The following KCTD1 variants were observed in gnomAD, a reference collection of about 807,000 sequenced individuals.
KCTD1 encodes the protein potassium channel tetramerization domain containing 1, also known as BTB/POZ domain-containing protein KCTD1.
In KCTD1, 24 loss-of-function variants were observed where a neutral mutation model predicts 66.0. The ratio of observed to expected loss-of-function variants is 0.36; its 90% CI spans 0.26 to 0.51. KCTD1 has a LOEUF of 0.51. Among genes scored for constraint, KCTD1 ranks in the 20% least tolerant of loss-of-function variants. The pLI is 0.95. For synonymous variants in KCTD1, 511 were observed against 517.2 expected, an observed-to-expected ratio of 0.99 and a Z score of 0.16; for missense variants, 943 against 1,205.2, an observed-to-expected ratio of 0.78 and a Z score of 3.22.
chr18:26,544,408 C>A (rs1985116112), intron 1 of KCTD1: 1 of 152,198 alleles, frequency 6.6e-6, no homozygotes, highest in Non-Finnish European at 1.5e-5. Flanking sequence ...GGGAAACTTG[C>A]AACATTAGTA....
chr18:26,459,580 A>C (rs773970536), intron 4 of KCTD1, 40 bp downstream of exon 4: 2 of 1,522,774 alleles, frequency 1.3e-6, no homozygotes, highest in Non-Finnish European at 1.8e-6. Flanking sequence ...CAACAGTAAG[A>C]GTGGCATTTG....
chr18:26,507,698 A>G (rs192217094), intron 1 of KCTD1, among the ~76,000 whole-genome samples: 82 of 151,764 alleles, frequency 5.4e-4, no homozygotes, highest in Non-Finnish European at 1.1e-3. Flanking sequence ...TACTGACACT[A>G]TACTTTTTTT....
At chr18:26,631,714 A>T (rs1456262834), upstream of KCTD1, among the ~76,000 whole-genome samples, 3 of 152,202 alleles carry the variant, frequency 2.0e-5, no homozygotes, top group Non-Finnish European at 2.9e-5. Context: ...TAGAATAAAA[A>T]TATTCCCAAA....
chr18:26,456,985 A>G (rs1250588474), intron 4 of KCTD1: 1 of 151,868 alleles, frequency 6.6e-6, no homozygotes, highest in Non-Finnish European at 1.5e-5. Flanking sequence ...GAATGAACTG[A>G]AATGTAGTCA....
rs141699243 is a variant in KCTD1, at chr18:26,611,332, TTTTGTTTG to T, written c.-16+17807_-16+17814del. 7.5e-3 allele frequency among the ~76,000 whole-genome samples: 1,124 copies of T among 150,564 alleles called. 12 individuals are homozygous for T. Among genetic ancestry groups the T allele is most frequent in the Non-Finnish European group, 9.5e-3 (645 of 67,772 alleles). ...ATGGAATACAATTATAGTAACTGGG[TTTTGTTTG>T]TTTGTTTGTTTGTTTGTTTGTTTGT... On this transcript the variant is annotated intron_variant, in intron 1 of 4. Coordinates refer to the KCTD1 transcript ENST00000317932.
intron 1 of KCTD1, among the ~76,000 whole-genome samples, chr18:26,571,487 G>T (rs923224231): frequency 6.6e-6 from 1 of 152,150 alleles, no homozygotes; most frequent in Non-Finnish European, 1.5e-5. Flanking sequence ...AAATGGTATT[G>T]TATTTGCATA....
At position 26,588,785 on chromosome 18, in the gene KCTD1, A is replaced by G. The variant is rs75292898; in HGVS notation, c.-16+40362T>C. 3.7e-3 allele frequency among the ~76,000 whole-genome samples: 563 copies of G among 152,278 alleles called. 3 individuals are homozygous for G. The highest frequency in any genetic ancestry group is 0.013 in the African/African-American group (546 of 41,568). ...AGAGAGGTTCTGGAAGGTTCCTGAT[A>G]CCCCACTGGAGACATCATCCAATCC... On this transcript the variant is annotated intron_variant, in intron 1 of 4. Transcript: ENST00000317932.
chr18:26,585,770 G>A (rs1390548008), intron 1 of KCTD1, among the ~76,000 whole-genome samples: 1 of 152,158 alleles, frequency 6.6e-6, no homozygotes, highest in African/African-American at 2.4e-5. Context: ...GCACCCTTTG[G>A]ACAGATTTTC....
Position 26,501,254 on chromosome 18 carries a change from CA to C in KCTD1, c.1810-5del, listed in dbSNP as rs1982747278. On this transcript the variant is annotated splice_region_variant and splice_polypyrimidine_tract_variant and intron_variant, in intron 1 of 4. Transcript: ENST00000580059. ...TTGACATATTGGGCCGACTGTCCTA[CA>C]GAGAGATAAGCAAGTTTAGATACTT... is the stretch of plus-strand genomic sequence containing the variant. 6.2e-7 allele frequency: 1 copy of C among 1,611,952 alleles called. No homozygotes were observed. Among genetic ancestry groups the C allele is most frequent in the Admixed American group, 1.7e-5 (1 of 59,830 alleles).
chr18:26,512,864 C>T (rs933614105), intron 1 of KCTD1, among the ~76,000 whole-genome samples: 1 of 151,986 alleles, frequency 6.6e-6, no homozygotes, highest in African/African-American at 2.4e-5. Context: ...GCCTGTAGTC[C>T]CAGCTACTCG....
At chr18:26,549,659 G>C (rs1403406945), upstream of KCTD1, 1 of 961,836 alleles carries the variant, frequency 1.0e-6, no homozygotes, top group Non-Finnish European at 1.2e-6. Context: ...GGCGGAAAAA[G>C]CGAACTTGTG....
At chr18:26,500,399 G>T (rs901929103) in intron 2 of KCTD1, among the ~76,000 whole-genome samples, 1 of 151,972 alleles carries the variant, frequency 6.6e-6, no homozygotes, top group Non-Finnish European at 1.5e-5. Context: ...CAGCCTGGGC[G>T]ACAGAACAAG....
intron 1 of KCTD1, among the ~76,000 whole-genome samples, chr18:26,527,501 G>T (rs146298409): frequency 1.4e-4 from 20 of 146,772 alleles, no homozygotes; most frequent in Admixed American, 6.8e-5. Context: ...AAGGGGGGGG[G>T]GCGTGGGAGG....
intron 1 of KCTD1, among the ~76,000 whole-genome samples, chr18:26,579,233 T>A (rs1986297169): frequency 6.6e-6 from 1 of 151,316 alleles, no homozygotes; most frequent in African/African-American, 2.4e-5. Flanking sequence ...GAAAATAAGT[T>A]AATTTTATAC....
chr18:26,488,186 A>ATT (rs67518012), intron 2 of KCTD1, among the ~76,000 whole-genome samples: 1 of 147,982 alleles, frequency 6.8e-6, no homozygotes, highest in African/African-American at 2.5e-5. Flanking sequence ...ATGGAACTTC[A>ATT]TTTTTTTTTT....
At chr18:26,598,878 T>A (rs1986828187) in intron 1 of KCTD1, among the ~76,000 whole-genome samples, 1 of 152,214 alleles carries the variant, frequency 6.6e-6, no homozygotes, top group Non-Finnish European at 1.5e-5. Context: ...GGGTTCTTTA[T>A]ATATTCGCAA....
upstream of KCTD1, among the ~76,000 whole-genome samples, chr18:26,644,755 TA>T (rs1317102079): frequency 1.6e-3 from 209 of 134,700 alleles, no homozygotes; most frequent in East Asian, 6.6e-3. Flanking sequence ...AGACTCTGTC[TA>T]AAAAAAAAAA....
At chr18:26,499,939 T>C (rs951126193) in intron 2 of KCTD1, among the ~76,000 whole-genome samples, 5 of 151,854 alleles carry the variant, frequency 3.3e-5, no homozygotes, top group African/African-American at 4.8e-5. Flanking sequence ...GCCAGGAGGG[T>C]TGTCCCAGGG....
intron 1 of KCTD1, among the ~76,000 whole-genome samples, chr18:26,654,018 C>T (rs1382916663): frequency 1.3e-5 from 2 of 152,182 alleles, no homozygotes; most frequent in Non-Finnish European, 2.9e-5. Context: ...TCACAAACAT[C>T]ATTTGAATGA....
Sources: allele counts gnomAD v4.1 joint callset (sites outside exome capture counted in the v4.1 genomes callset), GRCh38; gene constraint gnomAD v4.1.1; transcripts MANE v1.5; gene names NCBI Gene and HGNC (gene_info 2026-07-23, HGNC 2026-07-21).